The following WDPCP variants were observed in gnomAD, a reference collection of about 807,000 sequenced individuals.
The protein encoded by WDPCP is WD repeat containing planar cell polarity effector.
WDPCP carries 71 observed loss-of-function variants against 93.1 expected under a neutral mutation model. That is an observed-to-expected ratio of 0.76 (90% CI 0.63 to 0.93). WDPCP has a LOEUF of 0.93. Ranked by LOEUF, WDPCP falls within the 40% of genes least tolerant of loss-of-function variation. WDPCP has a pLI of 0.00. For missense variants in WDPCP, 844 were observed against 887.4 expected (o/e 0.95, Z 0.62); for synonymous variants, 315 against 315.0 (o/e 1.00, Z 0.00).
chr2:63,683,356 T>A (rs1040455112), intron 2 of WDPCP, among the ~76,000 whole-genome samples: 1 of 152,030 alleles, frequency 6.6e-6, no homozygotes, highest in South Asian at 2.1e-4. Flanking sequence ...AGAAACACAT[T>A]TCATCTATAA....
intron 1 of WDPCP, among the ~76,000 whole-genome samples, chr2:63,533,970 C>T (rs768405572): frequency 3.3e-4 from 50 of 151,478 alleles, no homozygotes; most frequent in Non-Finnish European, 7.2e-4. Context: ...GCTAGCAAGA[C>T]TAAAAAAGAA....
chr2:63,574,696 GA>G (rs879832576), intron 1 of WDPCP, among the ~76,000 whole-genome samples: 41 of 150,848 alleles, frequency 2.7e-4, no homozygotes, highest in Middle Eastern at 3.4e-3. Flanking sequence ...TGAACAATAA[GA>G]AAAAAAAATG....
chr2:63,414,993 T>C (rs139900084), intron 9 of WDPCP, among the ~76,000 whole-genome samples: 47 of 152,312 alleles, frequency 3.1e-4, no homozygotes, highest in African/African-American at 1.0e-3. Context: ...TCTTCTCAAC[T>C]AACTGTCCAC....
At chr2:63,400,843 A>G (rs1694094352) in intron 10 of WDPCP, among the ~76,000 whole-genome samples, 1 of 152,302 alleles carries the variant, frequency 6.6e-6, no homozygotes, top group South Asian at 2.1e-4. Flanking sequence ...AACACCACAC[A>G]TCTACAACTA....
At chr2:63,772,552 A>G (rs1312030887) in intron 2 of WDPCP, among the ~76,000 whole-genome samples, 1 of 152,058 alleles carries the variant, frequency 6.6e-6, no homozygotes, top group East Asian at 1.9e-4. Context: ...AAGATTAGCA[A>G]ACTTAATCCA....
At chr2:63,840,787 T>C in the WDPCP span, among the ~76,000 whole-genome samples, 1 of 152,154 alleles carries the variant, frequency 6.6e-6, no homozygotes, top group Non-Finnish European at 1.5e-5. Context: ...AACGCCGCCG[T>C]AAGTGCTGCT....
At chr2:63,513,840 T>C (rs898088725) in intron 1 of WDPCP, among the ~76,000 whole-genome samples, 30 of 152,192 alleles carry the variant, frequency 2.0e-4, no homozygotes, top group Admixed American at 5.9e-4. Context: ...AGCATGAAAA[T>C]AGACAGTTTT....
chr2:63,431,051 G>A (rs1051639380), intron 9 of WDPCP, among the ~76,000 whole-genome samples: 5 of 152,098 alleles, frequency 3.3e-5, no homozygotes, highest in Admixed American at 1.3e-4. Flanking sequence ...CAGCTGCTTG[G>A]TAAGCCAATT....
chr2:63,345,248 AGGACT>A (rs1481248324), intron 12 of WDPCP, among the ~76,000 whole-genome samples: 1 of 152,220 alleles, frequency 6.6e-6, no homozygotes, highest in East Asian at 1.9e-4. Context: ...TTTTCATGTT[AGGACT>A]ACACTTTCCA....
chr2:63,823,323 C>T (rs191400770), intron 1 of WDPCP, among the ~76,000 whole-genome samples: 154 of 151,754 alleles, frequency 1.0e-3, no homozygotes, highest in African/African-American at 3.5e-3. Flanking sequence ...CTGGTCAATA[C>T]GGTGATACCC....
intron 2 of WDPCP, among the ~76,000 whole-genome samples, chr2:63,802,281 TA>T (rs58717654): frequency 5.5e-5 from 3 of 54,382 alleles, no homozygotes; most frequent in Non-Finnish European, 6.9e-5. Context: ...CCCTCTCTCT[TA>T]AAAAAAAAAA....
chr2:63,476,095 C>T (rs1390294211), intron 6 of WDPCP, among the ~76,000 whole-genome samples: 1 of 152,148 alleles, frequency 6.6e-6, no homozygotes, highest in Non-Finnish European at 1.5e-5. Context: ...CTTAAGCTCA[C>T]TGTACTTATC....
intron 1 of WDPCP, among the ~76,000 whole-genome samples, chr2:63,561,538 A>G (rs1012751307): frequency 1.3e-5 from 2 of 152,046 alleles, no homozygotes; most frequent in African/African-American, 4.8e-5. Flanking sequence ...AATGGGATCT[A>G]ATGAAACTAA....
intron 9 of WDPCP, among the ~76,000 whole-genome samples, chr2:63,416,855 C>T (rs1306273985): frequency 1.3e-5 from 2 of 152,162 alleles, no homozygotes; most frequent in South Asian, 2.1e-4. Flanking sequence ...ATTTTAAATA[C>T]TTGGGTTCAG....
At chr2:63,134,953 T>C (rs1272073322) in intron 17 of WDPCP, among the ~76,000 whole-genome samples, 2 of 152,114 alleles carry the variant, frequency 1.3e-5, no homozygotes, top group Non-Finnish European at 2.9e-5. Flanking sequence ...TGAAACCCTG[T>C]CTCTACAAAA....
intron 1 of WDPCP, among the ~76,000 whole-genome samples, chr2:63,508,961 T>TA (rs1163058678): frequency 6.6e-6 from 1 of 152,182 alleles, no homozygotes; most frequent in African/African-American, 2.4e-5. Context: ...CAAAGAGACT[T>TA]AGACTCCCAC....
the WDPCP span, among the ~76,000 whole-genome samples, chr2:63,840,627 G>A: frequency 1.4e-4 from 22 of 152,344 alleles, 1 homozygote; most frequent in South Asian, 4.6e-3. Flanking sequence ...GGGCTCCCTC[G>A]GGGCAGCTGC....
chr2:63,236,250 A>G (rs1679381783), intron 14 of WDPCP, among the ~76,000 whole-genome samples: 1 of 152,130 alleles, frequency 6.6e-6, no homozygotes, highest in Admixed American at 6.6e-5. Flanking sequence ...CACAAAATAA[A>G]ATACTTAAGA....
chr2:63,740,510 T>C (rs1669697479), intron 2 of WDPCP, among the ~76,000 whole-genome samples: 1 of 152,156 alleles, frequency 6.6e-6, no homozygotes, highest in Non-Finnish European at 1.5e-5. Context: ...TCGCAACCAA[T>C]TTGTAAATAG....
Sources: gnomAD v4.1 joint callset for allele counts (sites outside exome capture counted in the v4.1 genomes callset) on GRCh38, gnomAD v4.1.1 for gene constraint, MANE v1.5 for transcripts, NCBI Gene and HGNC (gene_info 2026-07-23, HGNC 2026-07-21) for gene names.